PROM2: variants seen among roughly 807,000 people sequenced by gnomAD.
PROM2 encodes prominin 2.
Under a neutral mutation model 110.2 loss-of-function variants are expected in PROM2, and 90 were observed. That is an observed-to-expected ratio of 0.82 (90% CI 0.69 to 0.97). PROM2 has a LOEUF of 0.97. Among genes scored for constraint, PROM2 ranks in the 50% least tolerant of loss-of-function variants. The pLI, the probability that PROM2 is intolerant of heterozygous loss-of-function variation, is 0.00. For synonymous variants in PROM2, 470 were observed against 467.8 expected (o/e 1.00, Z -0.06); for missense variants, 1,009 against 1,074.8 (o/e 0.94, Z 0.86).
At chr2:95,277,100 C>G in intron 6 of PROM2, 39 bp downstream of exon 6, 9 of 1,519,168 alleles carry the variant, frequency 5.9e-6, no homozygotes, top group Non-Finnish European at 8.0e-6. Context: ...TGGAGCCCAG[C>G]GGGTGTCCTC....
intron 20 of PROM2, 41 bp downstream of exon 20, chr2:95,287,505 A>G: frequency 1.3e-6 from 2 of 1,595,388 alleles, no homozygotes; most frequent in Non-Finnish European, 1.7e-6. Flanking sequence ...TCCCTGCTCC[A>G]TCGGACCAGC....
intron 8 of PROM2, 89 bp downstream of exon 8, chr2:95,278,093 C>T: frequency 8.5e-7 from 1 of 1,177,844 alleles, no homozygotes; most frequent in African/African-American, 1.5e-5. Flanking sequence ...CCAGTTGAAC[C>T]TAATATTTGG....
At chr2:95,283,637 G>A (rs1677171824) in intron 14 of PROM2, among the ~76,000 whole-genome samples, 2 of 152,198 alleles carry the variant, frequency 1.3e-5, no homozygotes, top group African/African-American at 2.4e-5. Context: ...CTAACCACCT[G>A]TGTAACCTCG....
chr2:95,274,783 C>T lies in PROM2; in HGVS notation c.198C>T (p.Thr66=), dbSNP rs140148451. 2.6e-4 allele frequency: 424 copies of T among 1,608,128 alleles called. No homozygotes were observed. The highest frequency in any genetic ancestry group is 3.3e-4 in the Non-Finnish European group (386 of 1,178,128). ...GACTCCTGGACTCCCTCTATGGCAC[C>T]GTGCGCCGCTTCCTCTCGGTGGTGC... ...APGLLDSLYG[T]VRRFLSVVQL... is the part of the protein sequence containing the mutation. The change falls in exon 1 of 24, where the codon ACC becomes ACT. Residue 66 remains threonine, a synonymous_variant. Coordinates refer to ENST00000317620, the MANE Select transcript of PROM2 (RefSeq NM_001165978.3).
chr2:95,278,887 T>C, intron 9 of PROM2, 98 bp from the exon 10 acceptor site: 1 of 1,605,384 alleles, frequency 6.2e-7, no homozygotes, highest in Non-Finnish European at 8.5e-7. Context: ...GGGACTGTCT[T>C]CCCTCTGTGG....
chr2:95,286,947 G>A (rs1677397970), intron 18 of PROM2, 90 bp downstream of exon 18: 6 of 1,467,572 alleles, frequency 4.1e-6, no homozygotes, highest in Admixed American at 3.4e-5. Flanking sequence ...GCACCTCAGA[G>A]CTCTGCCCAG....
rs188121153 is a variant in PROM2 at position 95,283,885 on chromosome 2, T to C, written c.1729-1084T>C. ...TAGATGCTGGGGGTTTGGGGCTGAA[T>C]AGGCAGGCAAAGTCCCACTCTTGTG... is the stretch of plus-strand genomic sequence containing the variant. On this transcript the variant is annotated intron_variant, in intron 14 of 23. Transcript: ENST00000317620. 3.2e-3 allele frequency among the ~76,000 whole-genome samples: 492 copies of C among 152,332 alleles called. 3 individuals carry two copies. Among genetic ancestry groups the C allele is most frequent in the Non-Finnish European group, 4.5e-3 (308 of 68,034 alleles).
intron 10 of PROM2, 96 bp from the exon 11 acceptor site, chr2:95,279,749 G>C: frequency 9.6e-7 from 1 of 1,041,038 alleles, no homozygotes; most frequent in Admixed American, 3.1e-5. Context: ...CCAGCCTTGG[G>C]GTTAGAGGCC....
At chr2:95,277,836 G>A in intron 7 of PROM2, 94 bp from the exon 8 acceptor site, 1 of 1,064,974 alleles carries the variant, frequency 9.4e-7, no homozygotes, top group Non-Finnish European at 1.4e-6. Flanking sequence ...GAGGACATTG[G>A]GGTTCAGAGG....
At position 95,281,957 on chromosome 2, in the gene PROM2, C is replaced by A. The variant is rs1180099324; in HGVS notation, c.1584C>A (p.Ser528=). Residue 528 remains serine (S), a synonymous_variant, in exon 13 of 24, where the codon TCC becomes TCA. Transcript: ENST00000317620. ...ACACCCCAGGGAACCTGCCCCCGTC[C>A]ATGAACCTGTCGCAACTTCTTGGCC... ...FADTPGNLPP[S]MNLSQLLGLR... The A allele has an allele frequency of 5.6e-6, 9 of 1,614,142 alleles. No homozygotes were observed. The South Asian group carries it at 6.6e-5, about 12-fold the overall frequency.
Position 95,289,267 on chromosome 2 carries a change from C to T in PROM2, c.*54C>T. On this transcript the variant is annotated 3_prime_UTR_variant, in exon 24 of 24. Coordinates refer to ENST00000317620, the MANE Select transcript of PROM2 (RefSeq NM_001165978.3). ...CTGCCTGTCCTCCCCTTTGATTTAG[C>T]CTGGGCCACAGGACTTCGGTAGCTC... The T allele has an allele frequency of 5.7e-6, 3 of 527,744 alleles. No homozygotes were observed. Among genetic ancestry groups the T allele is most frequent in the Non-Finnish European group, 1.0e-5 (3 of 290,818 alleles). 32.7% of individuals were successfully genotyped at this position (527,744 alleles called of 1,614,324 possible). A position where few individuals can be genotyped will look rare whatever the true frequency, so the allele number is the denominator to read the frequency against.
chr2:95,283,528 G>A (rs1410595699), intron 14 of PROM2, among the ~76,000 whole-genome samples: 3 of 152,160 alleles, frequency 2.0e-5, no homozygotes, highest in African/African-American at 7.2e-5. Flanking sequence ...CCTGAGACAC[G>A]GCCCGAAGGC....
rs1268219382 is a variant in PROM2 at position 95,277,282 on chromosome 2, G to T, written c.773-82G>T. On this transcript the variant is annotated intron_variant, in intron 6 of 23. Coordinates refer to ENST00000317620, the MANE Select transcript of PROM2 (RefSeq NM_001165978.3). ...CAATGATTTGCAGGTCCCTTTGGCT[G>T]GGGGAGGGGAGTTCTGCCTCCTGCA... is the stretch of plus-strand genomic sequence containing the variant. The T allele has an allele frequency of 6.3e-6, 9 of 1,426,328 alleles. No homozygotes were observed. In the Admixed American group the frequency reaches 1.6e-4, roughly 26 times the overall value. The allele number at this position is 1,426,328 out of a possible 1,614,324, so 88.4% of individuals were successfully genotyped here. A position where few individuals can be genotyped will look rare whatever the true frequency, so the allele number is the denominator to read the frequency against.
chr2:95,289,099 G>T, intron 23 of PROM2, 93 bp downstream of exon 23: 1 of 1,082,886 alleles, frequency 9.2e-7, no homozygotes. Flanking sequence ...CAGGGCCTAG[G>T]AGGGCAGGAA....
chr2:95,274,917 A>T, intron 1 of PROM2, 88 bp downstream of exon 1: 2 of 1,416,352 alleles, frequency 1.4e-6, no homozygotes, highest in Non-Finnish European at 1.9e-6. Flanking sequence ...GATGTGCCCA[A>T]CCTACAAGCA....
Position 95,276,697 on chromosome 2 carries a change from C to T in PROM2, c.682+40C>T, listed in dbSNP as rs1676684627. 6.2e-7 allele frequency: 1 copy of T among 1,607,006 alleles called. No homozygotes were observed. Among genetic ancestry groups the T allele is most frequent in the Middle Eastern group, 2.2e-4 (1 of 4,606 alleles). On this transcript the variant is annotated intron_variant, in intron 5 of 23. Transcript: ENST00000317620. This position sits in a 1 kb window ranked among gnomAD's most constrained non-coding sequence, Gnocchi z 4.6. ...GACTGGCAGGTGGGCTGGCTCCTTC[C>T]AGGGCCCCTGCTCGGGTGCCTCGGT...
intron 14 of PROM2, among the ~76,000 whole-genome samples, chr2:95,284,053 C>G (rs1051470695): frequency 1.3e-5 from 2 of 152,238 alleles, no homozygotes; most frequent in African/African-American, 4.8e-5. Context: ...GTCTGTGTCT[C>G]TGCCCAGAAG....
At chr2:95,281,479 G>A in intron 12 of PROM2, 114 bp downstream of exon 12, 2 of 1,283,670 alleles carry the variant, frequency 1.6e-6, no homozygotes, top group Non-Finnish European at 2.1e-6. Flanking sequence ...AGAGAGGGAG[G>A]GGAGGAGTGA....
Position 95,280,015 on chromosome 2 carries a change from G to C in PROM2, c.1427+18G>C. The stretch of plus-strand genomic sequence containing the variant: ...CTCATGGCGTAAGAAAGGGCTGGGA[G>C]AGGGGAAGGGTCCCCTCTTATAGGG... On this transcript the variant is annotated intron_variant, in intron 11 of 23. Coordinates refer to ENST00000317620, the MANE Select transcript of PROM2 (RefSeq NM_001165978.3). The C allele has an allele frequency of 1.4e-6, 2 of 1,407,318 alleles. No individual in the cohort carries two copies. Among genetic ancestry groups the C allele is most frequent in the South Asian group, 3.3e-5 (2 of 60,564 alleles). 87.2% of individuals were successfully genotyped at this position (1,407,318 alleles called of 1,614,324 possible). A position where few individuals can be genotyped will look rare whatever the true frequency, so the allele number is the denominator to read the frequency against.
Sources: gnomAD v4.1 joint callset for allele counts (sites outside exome capture counted in the v4.1 genomes callset) on GRCh38, gnomAD v4.1.1 for gene constraint, Gnocchi (gnomAD v3.1) non-coding constraint, MANE v1.5 for transcripts, NCBI Gene and HGNC (gene_info 2026-07-23, HGNC 2026-07-21) for gene names.